CALD1: variants seen among roughly 807,000 people sequenced by gnomAD.
CALD1 encodes the protein caldesmon.
CALD1 carries 33 observed loss-of-function variants against 99.9 expected under a neutral mutation model. The observed-to-expected ratio is 0.33, with a 90% CI of 0.25 to 0.44. CALD1 has a LOEUF of 0.44. CALD1 is among the 20% of genes least tolerant of loss of function. The probability of loss-of-function intolerance (pLI) is 1.00; values close to 1 mark genes in which losing one functional copy is unlikely to be tolerated. For synonymous variants in CALD1, 310 were observed against 325.0 expected, an observed-to-expected ratio of 0.95 and a Z score of 0.50; for missense variants, 861 against 962.1, an observed-to-expected ratio of 0.89 and a Z score of 1.39.
intron 3 of CALD1, among the ~76,000 whole-genome samples, chr7:134,911,955 T>C (rs571418046): frequency 9.2e-5 from 14 of 152,120 alleles, no homozygotes; most frequent in Non-Finnish European, 1.6e-4. Context: ...AAGAGCTCCT[T>C]CTAGTTGACT....
intron 2 of CALD1, 93 bp from the exon 3 acceptor site, chr7:134,867,600 G>A (rs1800860090): frequency 2.0e-6 from 1 of 501,146 alleles, no homozygotes; most frequent in Non-Finnish European, 3.6e-6. Flanking sequence ...GAAAAATCAG[G>A]AGAATGACAA....
intron 11 of CALD1, among the ~76,000 whole-genome samples, chr7:134,958,717 A>G (rs2133231680): frequency 6.6e-6 from 1 of 152,042 alleles, no homozygotes; most frequent in Admixed American, 6.5e-5. Flanking sequence ...CAGAATATTA[A>G]TGATGCTTTA....
At chr7:134,825,409 G>A (rs964038315) in intron 1 of CALD1, among the ~76,000 whole-genome samples, 1 of 152,030 alleles carries the variant, frequency 6.6e-6, no homozygotes, top group Non-Finnish European at 1.5e-5. Flanking sequence ...CTCTTTCCAA[G>A]CATTTATTTT....
At position 134,928,663 on chromosome 7, in the gene CALD1, C is replaced by T. The variant is rs550008693; in HGVS notation, c.72-91C>T. ...ATGTGGTTCATTAAGCAGTGAAGTT[C>T]AGAAAAGGGCTCAGGGCTGTTCCTG... On this transcript the variant is annotated intron_variant, in intron 3 of 14. Transcript: ENST00000361675. 2.8e-5 allele frequency: 36 copies of T among 1,279,214 alleles called. 1 individual carries two copies. The East Asian group carries it at 7.6e-4, about 27-fold the overall frequency. The allele number at this position is 1,279,214 out of a possible 1,614,324, so 79.2% of individuals were successfully genotyped here.
intron 7 of CALD1, among the ~76,000 whole-genome samples, chr7:134,944,040 A>G (rs1356914151): frequency 7.2e-5 from 11 of 152,190 alleles, no homozygotes; most frequent in Admixed American, 7.2e-4. Flanking sequence ...TTGCCGGTCC[A>G]GTTCCTGTAC....
intron 9 of CALD1, among the ~76,000 whole-genome samples, chr7:134,952,340 T>G (rs1286919172): frequency 6.6e-6 from 1 of 151,966 alleles, no homozygotes; most frequent in African/African-American, 2.4e-5. Flanking sequence ...GTCTGGATGG[T>G]TAATTATGTA....
chr7:134,877,617 C>T (rs1586179194), intron 3 of CALD1, among the ~76,000 whole-genome samples: 1 of 152,176 alleles, frequency 6.6e-6, no homozygotes, highest in African/African-American at 2.4e-5. Flanking sequence ...CATGTACATA[C>T]TTTTTTCCTT....
In CALD1 at chr7:134,933,070, G is replaced by A. The variant is rs772479657; in HGVS notation, c.301G>A (p.Ala101Thr). ...TGAGGCCGCATTCCTGGAGCGCCTG[G>A]CTCGGCGTGAGGAAAGACGCCAAAA... ...DDEAAFLERL[A>T]RREERRQKRL... is the part of the protein sequence containing the mutation. Residue 101 changes from alanine to threonine, a missense_variant, in exon 5 of 15, where the codon GCT becomes ACT. Coordinates refer to ENST00000361675, the MANE Select transcript of CALD1 (RefSeq NM_033138.4). The A allele has an allele frequency of 6.8e-6, 11 of 1,613,942 alleles. No homozygotes were observed. The highest frequency in any genetic ancestry group is 1.1e-5 in the South Asian group (1 of 91,062).
the CALD1 span, among the ~76,000 whole-genome samples, chr7:134,719,720 G>A: frequency 1.3e-5 from 2 of 152,282 alleles, no homozygotes; most frequent in East Asian, 3.9e-4. Flanking sequence ...TTGTGTGTGT[G>A]CAAAAAAGAG....
intron 5 of CALD1, among the ~76,000 whole-genome samples, chr7:134,934,609 T>G (rs922751907): frequency 6.6e-6 from 1 of 152,022 alleles, no homozygotes; most frequent in Non-Finnish European, 1.5e-5. Context: ...ACAGGCTGGG[T>G]ACAGTGGCTC....
At position 134,783,555 on chromosome 7, in the gene CALD1, C is replaced by A. The variant is rs3800704; in HGVS notation, c.-130+3806C>A. Among the ~76,000 whole-genome samples the A allele has an allele frequency of 2.6e-5, 4 of 151,880 alleles. No individual in the cohort carries two copies. The East Asian group carries it at 7.8e-4, about 30-fold the overall frequency. ...CAGGCTGTGGGTAAGGCTATGGGAG[C>A]GGGGTCGGGGGGAAACTATGACCTG... On this transcript the variant is annotated intron_variant, in intron 1 of 14. Coordinates refer to ENST00000361675, the MANE Select transcript of CALD1 (RefSeq NM_033138.4). The surrounding 1 kb of genome is among the most constrained non-coding windows in gnomAD (Gnocchi z 4.3).
At chr7:134,929,653 T>TACACACAC (rs376217667) in intron 4 of CALD1, among the ~76,000 whole-genome samples, 62 of 3,556 alleles carry the variant, frequency 0.017, 2 homozygotes, top group African/African-American at 0.048. Context: ...TGTGTATATA[T>TACACACAC]ATATATATAT....
At chr7:134,890,976 C>T (rs1215004482) in intron 3 of CALD1, among the ~76,000 whole-genome samples, 2 of 152,208 alleles carry the variant, frequency 1.3e-5, no homozygotes, top group African/African-American at 2.4e-5. Context: ...TTTGATTTCT[C>T]AGTGGGAACT....
chr7:134,778,675 T>A (rs77814573), upstream of CALD1, among the ~76,000 whole-genome samples: 5,965 of 152,286 alleles, frequency 0.039, 174 homozygotes, highest in Non-Finnish European at 0.058. Flanking sequence ...ATCCTAACCA[T>A]GAAGAGTTGG....
chr7:134,934,213 G>A (rs751022050), intron 5 of CALD1, 136 bp downstream of exon 5: 27 of 1,339,458 alleles, frequency 2.0e-5, no homozygotes, highest in Non-Finnish European at 2.6e-5. Context: ...ATTTTTTCAG[G>A]CCATAGCGAT....
At chr7:134,922,920 T>C (rs1041284084) in intron 3 of CALD1, among the ~76,000 whole-genome samples, 1 of 152,208 alleles carries the variant, frequency 6.6e-6, no homozygotes, top group African/African-American at 2.4e-5. Flanking sequence ...TCCCATTGCA[T>C]ATATATTTTT....
At chr7:134,895,161 T>A (rs1173421571) in intron 3 of CALD1, among the ~76,000 whole-genome samples, 1 of 151,820 alleles carries the variant, frequency 6.6e-6, no homozygotes, top group East Asian at 1.9e-4. Context: ...TTTTAAAGAT[T>A]CTGCAGAAAT....
At chr7:134,873,949 T>C (rs918589914) in intron 3 of CALD1, among the ~76,000 whole-genome samples, 7 of 152,262 alleles carry the variant, frequency 4.6e-5, no homozygotes, top group South Asian at 2.1e-4. Flanking sequence ...AATAAAAATA[T>C]GAAAGGCTTG....
At chr7:134,874,847 C>T (rs956481669) in intron 3 of CALD1, among the ~76,000 whole-genome samples, 1 of 152,128 alleles carries the variant, frequency 6.6e-6, no homozygotes, top group African/African-American at 2.4e-5. Context: ...TCCATGGGGT[C>T]TCTAAAGTCC....
Sources: allele counts gnomAD v4.1 joint callset (sites outside exome capture counted in the v4.1 genomes callset), GRCh38; gene constraint gnomAD v4.1.1; non-coding constraint Gnocchi (gnomAD v3.1); transcripts MANE v1.5; gene names NCBI Gene and HGNC (gene_info 2026-07-23, HGNC 2026-07-21).